Variants in PLXNC1 observed in about 807,000 individuals in gnomAD.
PLXNC1 encodes plexin-C1.
A neutral mutation model predicts 178.2 loss-of-function variants in PLXNC1; 75 were observed. The observed-to-expected ratio is 0.42, with a 90% CI of 0.35 to 0.51. PLXNC1 has a LOEUF of 0.51. Among genes scored for constraint, PLXNC1 ranks in the 20% least tolerant of loss-of-function variants. The probability of loss-of-function intolerance (pLI) is 0.02; values close to 1 mark genes in which losing one functional copy is unlikely to be tolerated. For missense variants in PLXNC1, 1,503 were observed against 1,984.4 expected (o/e 0.76, Z 4.61); for synonymous variants, 790 against 779.9 (o/e 1.01, Z -0.22).
chr12:94,250,326 C>T (rs114437381), intron 14 of PLXNC1, among the ~76,000 whole-genome samples: 74 of 152,226 alleles, frequency 4.9e-4, no homozygotes, highest in African/African-American at 1.6e-3. Context: ...ATTCAGATGA[C>T]GTCATGAATT....
chr12:94,290,315 C>T (rs1283396460), intron 23 of PLXNC1, among the ~76,000 whole-genome samples: 2 of 152,198 alleles, frequency 1.3e-5, no homozygotes, highest in Non-Finnish European at 2.9e-5. Flanking sequence ...AAGGGGGTGC[C>T]TGCACAGAGC....
intron 22 of PLXNC1, chr12:94,280,314 G>C (rs1278295009): frequency 1.3e-5 from 2 of 156,948 alleles, no homozygotes; most frequent in African/African-American, 4.8e-5. Flanking sequence ...GACTGTCGTG[G>C]GATTTTATAG....
At chr12:94,248,552 C>T (rs1397329214) in intron 14 of PLXNC1, 140 bp downstream of exon 14, 5 of 702,076 alleles carry the variant, frequency 7.1e-6, no homozygotes, top group South Asian at 2.0e-5. Flanking sequence ...GCTGGTACTG[C>T]GAGCCCAAGC....
chr12:94,229,637 C>A (rs938248995), intron 9 of PLXNC1, among the ~76,000 whole-genome samples: 1 of 152,134 alleles, frequency 6.6e-6, no homozygotes, highest in African/African-American at 2.4e-5. Flanking sequence ...TTCCCAACAT[C>A]ATTTGTTGAA....
In PLXNC1 at chr12:94,209,697, A is replaced by G; in HGVS notation, c.1547A>G (p.Lys516Arg). 1.9e-6 allele frequency: 3 copies of G among 1,573,390 alleles called. No individual in the cohort carries two copies. Among genetic ancestry groups the G allele is most frequent in the Non-Finnish European group, 2.6e-6 (3 of 1,143,076 alleles). The stretch of plus-strand genomic sequence containing the variant: ...AAAATTCAGATAATTCGAAGCAGTA[A>G]AGAAAAGGTAAGAGGAAAGATTTTA... ...CPKIQIIRSSKEKTTVTMVGS... is the reference protein window; with the variant it reads ...CPKIQIIRSSREKTTVTMVGS... The change falls in exon 5 of 31, where the codon AAA becomes AGA. Residue 516 changes from lysine to arginine, a missense_variant. Coordinates refer to ENST00000258526, the MANE Select transcript of PLXNC1 (RefSeq NM_005761.3).
At chr12:94,158,995 A>G (rs1168732425) in intron 1 of PLXNC1, among the ~76,000 whole-genome samples, 1 of 152,180 alleles carries the variant, frequency 6.6e-6, no homozygotes, top group Non-Finnish European at 1.5e-5. Context: ...CACAATCTGA[A>G]TGTGTTCTAG....
chr12:94,305,100 C>A, intron 30 of PLXNC1, 81 bp from the exon 31 acceptor site: 1 of 790,094 alleles, frequency 1.3e-6, no homozygotes, highest in South Asian at 1.6e-5. Flanking sequence ...GATTTTACCA[C>A]TCACAGCATC....
intron 24 of PLXNC1, among the ~76,000 whole-genome samples, chr12:94,296,358 C>T (rs374173655): frequency 1.3e-5 from 2 of 152,102 alleles, no homozygotes; most frequent in African/African-American, 4.8e-5. Flanking sequence ...AATGAGGTCT[C>T]GCTACATTGT....
At chr12:94,195,947 G>T (rs1054854102) in intron 4 of PLXNC1, among the ~76,000 whole-genome samples, 15 of 152,112 alleles carry the variant, frequency 9.9e-5, no homozygotes, top group African/African-American at 3.6e-4. Context: ...TTGTGGACAC[G>T]TCCCAGCTCC....
intron 4 of PLXNC1, among the ~76,000 whole-genome samples, chr12:94,191,357 C>T (rs928682219): frequency 6.6e-5 from 10 of 152,150 alleles, no homozygotes; most frequent in African/African-American, 2.4e-4. Context: ...TTTTAAATGT[C>T]ATGGATTTAT....
chr12:94,172,195 C>T lies in PLXNC1; in HGVS notation c.1203+2902C>T, dbSNP rs373786680. 1.2e-4 allele frequency among the ~76,000 whole-genome samples: 19 copies of T among 152,196 alleles called. No homozygotes were observed. The South Asian group carries it at 3.5e-3, about 28-fold the overall frequency. On this transcript the variant is annotated intron_variant, in intron 2 of 30. Coordinates refer to ENST00000258526, the MANE Select transcript of PLXNC1 (RefSeq NM_005761.3). ...CTAATGAGCGGCAAAAAACAAAACT[C>T]AACCCAACGCAGACAGTAGGAGGAG... is the stretch of plus-strand genomic sequence containing the variant.
chr12:94,203,544 C>G (rs551947200), intron 4 of PLXNC1, among the ~76,000 whole-genome samples: 1 of 152,292 alleles, frequency 6.6e-6, no homozygotes, highest in African/African-American at 2.4e-5. Context: ...TGCTATTATG[C>G]TGGCATTTGT....
In PLXNC1 at chr12:94,226,633, G is replaced by A. The variant is rs376243881; in HGVS notation, c.1819G>A (p.Ala607Thr). The A allele has an allele frequency of 3.8e-5, 62 of 1,613,616 alleles. No homozygotes were observed. The highest frequency in any genetic ancestry group is 3.6e-4 in the African/African-American group (27 of 74,880). ...CCCAGCATGCGTAGAAACTGGCTGC[G>A]CGTGGTGTAAAAGTGCAAGAAGGTG... ...ECPACVETGC[A>T]WCKSARRCIH... Residue 607 changes from alanine to threonine, a missense_variant, in exon 8 of 31, where the codon GCG becomes ACG. Physicochemically the swap from Ala to Thr is moderately conservative, Grantham distance 58 (BLOSUM62 0). This residue lies in a region of PLXNC1 where 615 missense variants were observed against 698.6 expected (regional missense o/e 0.88). Transcript: ENST00000258526.
At chr12:94,291,434 T>C (rs754455502) in intron 23 of PLXNC1, among the ~76,000 whole-genome samples, 1 of 152,048 alleles carries the variant, frequency 6.6e-6, no homozygotes, top group Non-Finnish European at 1.5e-5. Context: ...GGGATCTGAG[T>C]TCTCCGGGCT....
At chr12:94,282,246 A>G (rs1224854195) in intron 22 of PLXNC1, 52 bp from the exon 23 acceptor site, 3 of 1,234,556 alleles carry the variant, frequency 2.4e-6, no homozygotes, top group Non-Finnish European at 3.5e-6. Flanking sequence ...TGTGAAAGTA[A>G]AGTGGTGGCA....
In PLXNC1 at chr12:94,284,862, C is replaced by T. The variant is rs150645078; in HGVS notation, c.3879+2461C>T. Among the ~76,000 whole-genome samples the T allele has an allele frequency of 4.3e-4, 65 of 152,282 alleles. No individual in the cohort carries two copies. The East Asian group carries it at 0.011, about 27-fold the overall frequency. On this transcript the variant is annotated intron_variant, in intron 23 of 30. Transcript: ENST00000258526. ...GAACAGTGGGAAGCCATGGGAGGTCCTGAAGCAGGGAGGTTAGTATTTCAG... is the reference window on the plus strand; with the variant it reads ...GAACAGTGGGAAGCCATGGGAGGTCTTGAAGCAGGGAGGTTAGTATTTCAG...
intron 5 of PLXNC1, among the ~76,000 whole-genome samples, chr12:94,215,694 G>T (rs973900179): frequency 6.6e-6 from 1 of 151,862 alleles, no homozygotes; most frequent in African/African-American, 2.4e-5. Context: ...TTAAAGAACA[G>T]ATATCATAAA....
chr12:94,158,104 A>G (rs1306989382), intron 1 of PLXNC1: 3 of 152,340 alleles, frequency 2.0e-5, no homozygotes, highest in East Asian at 3.9e-4. Flanking sequence ...AACCTTTCCC[A>G]TACAGTCTGA....
chr12:94,275,998 T>A (rs1965930285), intron 21 of PLXNC1, among the ~76,000 whole-genome samples: 1 of 152,214 alleles, frequency 6.6e-6, no homozygotes, highest in African/African-American at 2.4e-5. Context: ...TTTTACCTCT[T>A]TTCCACCCAT....
Sources: allele counts gnomAD v4.1 joint callset (sites outside exome capture counted in the v4.1 genomes callset), GRCh38; gene constraint gnomAD v4.1.1; regional missense constraint gnomAD v4.1.1; transcripts MANE v1.5; gene names NCBI Gene and HGNC (gene_info 2026-07-23, HGNC 2026-07-21).